The following CDCA7L variants were observed in gnomAD, a reference collection of about 807,000 sequenced individuals.
CDCA7L encodes the protein cell division cycle-associated 7-like protein.
A neutral mutation model predicts 57.4 loss-of-function variants in CDCA7L; 44 were observed. The ratio of observed to expected loss-of-function variants is 0.77; its 90% CI spans 0.60 to 0.98. CDCA7L has a LOEUF of 0.98. Ranked by LOEUF, CDCA7L falls within the 50% of genes least tolerant of loss-of-function variation. The pLI is 0.00. For missense variants in CDCA7L, 644 were observed against 580.6 expected (o/e 1.11, Z -1.12); for synonymous variants, 236 against 202.8 (o/e 1.16, Z -1.39).
chr7:21,916,634 A>T (rs573539066), intron 2 of CDCA7L, 120 bp downstream of exon 2: 3 of 940,730 alleles, frequency 3.2e-6, no homozygotes, highest in African/African-American at 3.3e-5. Context: ...TGTTTCTAAA[A>T]TAAAATGCTA....
At chr7:21,942,056 G>A (rs1438785848) in intron 1 of CDCA7L, among the ~76,000 whole-genome samples, 1 of 152,118 alleles carries the variant, frequency 6.6e-6, no homozygotes, top group Non-Finnish European at 1.5e-5. Flanking sequence ...TGTTTTCTGT[G>A]TCTTTGTTCT....
At chr7:21,941,101 T>C (rs1025487311) in intron 1 of CDCA7L, among the ~76,000 whole-genome samples, 1 of 152,162 alleles carries the variant, frequency 6.6e-6, no homozygotes, top group East Asian at 1.9e-4. Context: ...ACATTCCCTT[T>C]ATGAGATATT....
chr7:21,928,572 T>C (rs1312962508), intron 1 of CDCA7L, among the ~76,000 whole-genome samples: 1 of 151,880 alleles, frequency 6.6e-6, no homozygotes, highest in Non-Finnish European at 1.5e-5. Flanking sequence ...GTTAGAGGAA[T>C]TGCTAACGAG....
Position 21,909,014 on chromosome 7 carries a change from A to G in CDCA7L, c.304-507T>C, listed in dbSNP as rs554598667. Among the ~76,000 whole-genome samples the G allele has an allele frequency of 1.1e-3, 162 of 152,296 alleles. 2 individuals are homozygous for G. The highest frequency in any genetic ancestry group is 3.7e-3 in the African/African-American group (155 of 41,572). On this transcript the variant is annotated intron_variant, in intron 3 of 9. Coordinates refer to ENST00000406877, the MANE Select transcript of CDCA7L (RefSeq NM_018719.5). Reference sequence around the variant, plus strand: ...GGCAGTGACCCAGGACAGGCAGATGACCTGCCACTGCGTCCTCAGTCAAGG... The same window carrying G: ...GGCAGTGACCCAGGACAGGCAGATGGCCTGCCACTGCGTCCTCAGTCAAGG...
intron 3 of CDCA7L, 116 bp from the exon 4 acceptor site, chr7:21,908,623 C>T (rs80103615): frequency 0.01 from 11,220 of 1,120,664 alleles, 79 homozygotes; most frequent in Non-Finnish European, 0.012. Context: ...TGAAAAGCTT[C>T]CCCTTCATAT....
Position 21,908,300 on chromosome 7 carries a change from G to A in CDCA7L, c.511C>T (p.Arg171Cys), listed in dbSNP as rs374550676. 134 of 1,611,050 alleles carry A rather than the reference G, an allele frequency of 8.3e-5. No homozygotes were observed. The highest frequency in any genetic ancestry group is 3.0e-4 in the Admixed American group (18 of 59,208). The part of the protein sequence containing the change: ...SSSEQLFSSA[R>C]LQNEKKTILE... ...ATTGTTTTTTTCTCATTCTGTAAGC[G>A]TGCGCTAGAAAACAACTGCTCGGAA... Residue 171 changes from arginine (R) to cysteine (C), a missense_variant, in exon 4 of 10, where the codon CGC (arginine) becomes TGC (cysteine). Coordinates refer to ENST00000406877, the MANE Select transcript of CDCA7L (RefSeq NM_018719.5).
At chr7:21,913,333 T>C (rs1785390699) in intron 2 of CDCA7L, among the ~76,000 whole-genome samples, 1 of 151,984 alleles carries the variant, frequency 6.6e-6, no homozygotes, top group Admixed American at 6.5e-5. Flanking sequence ...TGCAGCTGCT[T>C]GAGAAAAAAA....
chr7:21,905,922 G>A (rs371116775), intron 6 of CDCA7L, among the ~76,000 whole-genome samples: 7 of 152,336 alleles, frequency 4.6e-5, no homozygotes, highest in African/African-American at 1.7e-4. Flanking sequence ...TGGGTCCACA[G>A]TTGCTCCCTC....
At chr7:21,934,846 A>G (rs1786116971) in intron 1 of CDCA7L, among the ~76,000 whole-genome samples, 1 of 152,224 alleles carries the variant, frequency 6.6e-6, no homozygotes, top group Non-Finnish European at 1.5e-5. Flanking sequence ...TAAAAGAGCC[A>G]ATTCACTAGA....
rs367584390 is a variant in CDCA7L at position 21,901,070 on chromosome 7, C to T, written c.*1252G>A. The T allele has an allele frequency of 9.9e-6, 16 of 1,613,798 alleles. No homozygotes were observed. The highest frequency in any genetic ancestry group is 1.1e-5 in the Non-Finnish European group (13 of 1,179,824). On this transcript the variant is annotated 3_prime_UTR_variant, in exon 10 of 10. Transcript: ENST00000406877. ...GCCCGTCTCAAGGAGCTGGCATGCC[C>T]TATGCCGGTCATCTTTGCAAAAGCC...
chr7:21,929,273 C>G, intron 1 of CDCA7L, among the ~76,000 whole-genome samples: 1 of 152,160 alleles, frequency 6.6e-6, no homozygotes, highest in East Asian at 1.9e-4. Flanking sequence ...TTTGTCACCA[C>G]CAGGCCTGCC....
At chr7:21,928,076 A>T (rs955990543) in intron 1 of CDCA7L, among the ~76,000 whole-genome samples, 3 of 152,216 alleles carry the variant, frequency 2.0e-5, no homozygotes, top group Non-Finnish European at 4.4e-5. Flanking sequence ...TCCGGCTGGC[A>T]TCTGGTGGTT....
rs745629188 is a variant in CDCA7L, at chr7:21,904,155, C to T, written c.1152G>A (p.Leu384=). The change falls in exon 8 of 10, where the codon CTG becomes CTA. Residue 384 remains leucine, a synonymous_variant. Coordinates refer to ENST00000406877, the MANE Select transcript of CDCA7L (RefSeq NM_018719.5). The part of the protein sequence containing the change: ...GVRGQFCGPC[L]RNRYGEDVRS... Reference sequence around the variant, plus strand: ...TGACATCCTCCCCATAGCGGTTCCGCAGGCATGGTCCACAGAACTGTCCTC... The same window carrying T: ...TGACATCCTCCCCATAGCGGTTCCGTAGGCATGGTCCACAGAACTGTCCTC... 1.2e-6 allele frequency: 2 copies of T among 1,613,210 alleles called. No homozygotes were observed. The highest frequency in any genetic ancestry group is 1.7e-6 in the Non-Finnish European group (2 of 1,179,592).
At chr7:21,906,678 G>C (rs751485681) in intron 4 of CDCA7L, 39 bp from the exon 5 acceptor site, 2 of 1,603,938 alleles carry the variant, frequency 1.2e-6, no homozygotes, top group South Asian at 2.2e-5. Context: ...TACAAAAATA[G>C]GGCTCCAGGT....
intron 1 of CDCA7L, among the ~76,000 whole-genome samples, chr7:21,942,040 G>A (rs1175587750): frequency 6.6e-6 from 1 of 152,154 alleles, no homozygotes; most frequent in East Asian, 1.9e-4. Context: ...TGTGGGGAAA[G>A]AGGCGTGTTT....
In CDCA7L at chr7:21,911,508, A is replaced by G. The variant is rs1785325989; in HGVS notation, c.303+109T>C. 8 of 1,340,960 alleles carry G rather than the reference A, an allele frequency of 6.0e-6. No individual in the cohort carries two copies. In the East Asian group the frequency reaches 2.0e-4, roughly 33 times the overall value. 83.1% of individuals were successfully genotyped at this position (1,340,960 alleles called of 1,614,324 possible). A position where few individuals can be genotyped will look rare whatever the true frequency, so the allele number is the denominator to read the frequency against. On this transcript the variant is annotated intron_variant, in intron 3 of 9. Transcript: ENST00000406877. ...TATGTTAATTGCTTGTAAGATAAAT[A>G]TGTAAGAAAAATCTTTTCACTTGTG...
In CDCA7L at chr7:21,945,120, C is replaced by T. The variant is rs146778236; in HGVS notation, c.24+661G>A. On this transcript the variant is annotated intron_variant, in intron 1 of 9. Transcript: ENST00000406877. The stretch of plus-strand genomic sequence containing the variant: ...CTACTCACTGAAACGTTTGGGGGAA[C>T]TTACTCAAGTGTTTGCTAATGAGTT... Among the ~76,000 whole-genome samples, 3 of 152,202 alleles carry T rather than the reference C, an allele frequency of 2.0e-5. No individual in the cohort carries two copies. In the East Asian group the frequency reaches 5.8e-4, roughly 30 times the overall value.
In CDCA7L at chr7:21,916,748, C is replaced by T; in HGVS notation, c.165+6G>A. 4 of 1,613,626 alleles carry T rather than the reference C, an allele frequency of 2.5e-6. No homozygotes were observed. The Admixed American group carries it at 6.7e-5, about 27-fold the overall frequency. ...AACACATCTGCTTGGAAGGAATCAT[C>T]CATACCTGTTTCCCTGACTCTAGTG... On this transcript the variant is annotated splice_donor_region_variant and intron_variant, in intron 2 of 9. Transcript: ENST00000406877.
chr7:21,902,414 T>TTGAGAGATTCCACAATCATC (rs1784941688), intron 9 of CDCA7L, 62 bp from the exon 10 acceptor site: 2 of 1,480,848 alleles, frequency 1.4e-6, no homozygotes, highest in East Asian at 2.3e-5. Context: ...CATTCTAGGC[T>TTGAGAGATTCCACAATCATC]TGAGAGATTC....
Sources: allele counts gnomAD v4.1 joint callset (sites outside exome capture counted in the v4.1 genomes callset), GRCh38; gene constraint gnomAD v4.1.1; transcripts MANE v1.5; gene names NCBI Gene and HGNC (gene_info 2026-07-23, HGNC 2026-07-21).